PEX3: variants seen among roughly 807,000 people sequenced by gnomAD.
PEX3 encodes the protein peroxisomal biogenesis factor 3.
Under a neutral mutation model 55.8 loss-of-function variants are expected in PEX3, and 30 were observed. The ratio of observed to expected loss-of-function variants is 0.54; its 90% CI spans 0.40 to 0.73. The LOEUF (loss-of-function observed/expected upper bound fraction) is 0.73, where lower values mean the gene tolerates loss of function less well. Among genes scored for constraint, PEX3 ranks in the 30% least tolerant of loss-of-function variants. PEX3 has a pLI of 0.00. For synonymous variants in PEX3, 135 were observed against 148.4 expected, an observed-to-expected ratio of 0.91 and a Z score of 0.66; for missense variants, 351 against 432.8, an observed-to-expected ratio of 0.81 and a Z score of 1.68.
At chr6:143,469,967 G>A (rs897695099) in intron 4 of PEX3, among the ~76,000 whole-genome samples, 7 of 151,912 alleles carry the variant, frequency 4.6e-5, no homozygotes, top group Non-Finnish European at 1.0e-4. Context: ...GGGGGGTGAG[G>A]GGAGATGGAG....
At position 143,457,623 on chromosome 6, in the gene PEX3, G is replaced by T. The variant is rs374836817; in HGVS notation, c.74-1462G>T. ...ATGCACAATTCTTAGGTTATGTTTAGTAGATACTGGGGGTCACAGACAGTG... is the reference window on the plus strand; with the variant it reads ...ATGCACAATTCTTAGGTTATGTTTATTAGATACTGGGGGTCACAGACAGTG... On this transcript the variant is annotated intron_variant, in intron 1 of 11. Transcript: ENST00000367591. Among the ~76,000 whole-genome samples, 12 of 152,310 alleles carry T rather than the reference G, an allele frequency of 7.9e-5. No homozygotes were observed. The South Asian group carries it at 2.3e-3, about 29-fold the overall frequency.
chr6:143,480,041 A>G (rs1048518781), intron 10 of PEX3, among the ~76,000 whole-genome samples: 1 of 152,120 alleles, frequency 6.6e-6, no homozygotes, highest in African/African-American at 2.4e-5. Flanking sequence ...TCTTAAATAC[A>G]TAGGGCCAGA....
At chr6:143,478,564 T>G (rs928953424) in intron 9 of PEX3, among the ~76,000 whole-genome samples, 1 of 152,102 alleles carries the variant, frequency 6.6e-6, no homozygotes, top group African/African-American at 2.4e-5. Flanking sequence ...TATATTATTC[T>G]TTATATTAAA....
chr6:143,477,291 C>G (rs984784418), intron 9 of PEX3, among the ~76,000 whole-genome samples: 1 of 152,056 alleles, frequency 6.6e-6, no homozygotes, highest in Non-Finnish European at 1.5e-5. Flanking sequence ...TTATATACAC[C>G]TTTCTACTAA....
rs529862451 is a variant in PEX3, at chr6:143,479,123, G to A, written c.866G>A (p.Ser289Asn). Residue 289 changes from serine (S) to asparagine (N), a missense_variant, in exon 10 of 12, where the codon AGT becomes AAT. Transcript: ENST00000367591. This position sits in a 1 kb window ranked among gnomAD's most constrained non-coding sequence, Gnocchi z 4.6. ...VLNTCLNRGF[S>N]RLLDNMAEFF... ...AATACCTGTTTAAACCGAGGTTTTA[G>A]TAGACTTCTAGACAATATGGCTGAG... The A allele has an allele frequency of 1.9e-6, 3 of 1,595,302 alleles. No individual in the cohort carries two copies. Among genetic ancestry groups the A allele is most frequent in the Admixed American group, 1.7e-5 (1 of 59,966 alleles).
intron 2 of PEX3, among the ~76,000 whole-genome samples, chr6:143,461,340 A>C (rs780743927): frequency 1.3e-5 from 2 of 152,158 alleles, no homozygotes; most frequent in African/African-American, 4.8e-5. Context: ...CTCCTCCAGC[A>C]AAAGATAGGG....
Position 143,451,746 on chromosome 6 carries a change from GATCATTGTA to G in PEX3, c.73+635_73+643del, listed in dbSNP as rs1325989800. ...TCTTCCTCAGGATCTTCAAGGTTGG[GATCATTGTA>G]ATCTAGCTGACATAACTGAGTTGCA... On this transcript the variant is annotated intron_variant, in intron 1 of 11. Coordinates refer to ENST00000367591, the MANE Select transcript of PEX3 (RefSeq NM_003630.3). The surrounding 1 kb of genome is among the most constrained non-coding windows in gnomAD (Gnocchi z 4.1). 1.3e-5 allele frequency among the ~76,000 whole-genome samples: 2 copies of G among 152,182 alleles called. No individual in the cohort carries two copies. Among genetic ancestry groups the G allele is most frequent in the Non-Finnish European group, 2.9e-5 (2 of 68,036 alleles).
chr6:143,474,454 G>A lies in PEX3; in HGVS notation c.748-332G>A, dbSNP rs1447678216. Among the ~76,000 whole-genome samples, 188 of 140,494 alleles carry A rather than the reference G, an allele frequency of 1.3e-3. 1 individual carries two copies. The highest frequency in any genetic ancestry group is 4.5e-3 in the African/African-American group (168 of 37,600). 92.2% of individuals were successfully genotyped at this position (140,494 alleles called of 152,430 possible). Reference sequence around the variant, plus strand: ...AGCCTGGGCGACAGAGCGAGACTCCGTCTCAAAAAAAAAAAAAAAAACCCA... The same window carrying A: ...AGCCTGGGCGACAGAGCGAGACTCCATCTCAAAAAAAAAAAAAAAAACCCA... On this transcript the variant is annotated intron_variant, in intron 8 of 11. Coordinates refer to ENST00000367591, the MANE Select transcript of PEX3 (RefSeq NM_003630.3).
rs193090510 is a variant in PEX3, at chr6:143,466,794, T to C, written c.288-1328T>C. On this transcript the variant is annotated intron_variant, in intron 3 of 11. Coordinates refer to ENST00000367591, the MANE Select transcript of PEX3 (RefSeq NM_003630.3). This position sits in a 1 kb window ranked among gnomAD's most constrained non-coding sequence, Gnocchi z 5.4. ...ATAAATGTATATATACATATTCACT[T>C]ATATAAAGCAAAACAATGGAAAGTT... Among the ~76,000 whole-genome samples, 74 of 152,120 alleles carry C rather than the reference T, an allele frequency of 4.9e-4. 1 individual carries two copies. In the South Asian group the frequency reaches 8.7e-3, roughly 18 times the overall value.
chr6:143,485,020 G>C lies in PEX3; in HGVS notation c.942-132G>C, dbSNP rs191715839. On this transcript the variant is annotated intron_variant, in intron 10 of 11. Coordinates refer to ENST00000367591, the MANE Select transcript of PEX3 (RefSeq NM_003630.3). The surrounding 1 kb of genome is among the most constrained non-coding windows in gnomAD (Gnocchi z 5.6). The stretch of plus-strand genomic sequence containing the variant: ...GTTGTTATTTCTAAGCGATAGAATT[G>C]TGGGGTTTTTTTTCCTTTTTAATAG... 1.4e-3 allele frequency: 972 copies of C among 684,916 alleles called. 14 individuals carry two copies. In the Admixed American group the frequency reaches 0.019, roughly 14 times the overall value. 42.4% of individuals were successfully genotyped at this position (684,916 alleles called of 1,614,324 possible).
In PEX3 at chr6:143,453,294, T is replaced by C. The variant is rs1779799810; in HGVS notation, c.73+2179T>C. Reference sequence around the variant, plus strand: ...GAAGAAGAGACACATTTTGACAGGCTTGAAAGCTGGGTAGTATATCAACAG... The same window carrying C: ...GAAGAAGAGACACATTTTGACAGGCCTGAAAGCTGGGTAGTATATCAACAG... On this transcript the variant is annotated intron_variant, in intron 1 of 11. Transcript: ENST00000367591. The surrounding 1 kb of genome is among the most constrained non-coding windows in gnomAD (Gnocchi z 4.6). 6.6e-6 allele frequency among the ~76,000 whole-genome samples: 1 copy of C among 152,178 alleles called. No individual in the cohort carries two copies. The highest frequency in any genetic ancestry group is 2.4e-5 in the African/African-American group (1 of 41,448).
At position 143,485,127 on chromosome 6, in the gene PEX3, A is replaced by G. The variant is rs1230997442; in HGVS notation, c.942-25A>G. 8.1e-7 allele frequency: 1 copy of G among 1,239,764 alleles called. No individual in the cohort carries two copies. The highest frequency in any genetic ancestry group is 1.2e-5 in the South Asian group (1 of 83,578). The allele number at this position is 1,239,764 out of a possible 1,614,324, so 76.8% of individuals were successfully genotyped here. A position where few individuals can be genotyped will look rare whatever the true frequency, so the allele number is the denominator to read the frequency against. ...GTCCTGTGGGGTCATTTCAGAAAAT[A>G]ATCATTACTGTAATGATTTTTCAGT... On this transcript the variant is annotated intron_variant, in intron 10 of 11. Transcript: ENST00000367591. The surrounding 1 kb of genome is among the most constrained non-coding windows in gnomAD (Gnocchi z 5.6).
At chr6:143,477,108 TC>T (rs1482511775) in intron 9 of PEX3, among the ~76,000 whole-genome samples, 6 of 152,166 alleles carry the variant, frequency 3.9e-5, no homozygotes, top group African/African-American at 1.4e-4. Flanking sequence ...TGTTGATTGA[TC>T]TTGTTGAGAA....
chr6:143,485,038 T>C lies in PEX3; in HGVS notation c.942-114T>C, dbSNP rs1780296390. ...TAGAATTGTGGGGTTTTTTTTCCTT[T>C]TTAATAGATTTCCAAAAATATTCTA... On this transcript the variant is annotated intron_variant, in intron 10 of 11. Coordinates refer to ENST00000367591, the MANE Select transcript of PEX3 (RefSeq NM_003630.3). The surrounding 1 kb of genome is among the most constrained non-coding windows in gnomAD (Gnocchi z 5.6). The C allele has an allele frequency of 2.7e-6, 2 of 734,140 alleles. No individual in the cohort carries two copies. The highest frequency in any genetic ancestry group is 2.4e-6 in the Non-Finnish European group (1 of 408,726). The allele number at this position is 734,140 out of a possible 1,614,324, so 45.5% of individuals were successfully genotyped here. A position where few individuals can be genotyped will look rare whatever the true frequency, so the allele number is the denominator to read the frequency against.
rs931014402 is a variant in PEX3, at chr6:143,482,617, A to T, written c.942-2535A>T. 6.6e-6 allele frequency among the ~76,000 whole-genome samples: 1 copy of T among 151,932 alleles called. No individual in the cohort carries two copies. The highest frequency in any genetic ancestry group is 2.4e-5 in the African/African-American group (1 of 41,404). ...GCAATGGATATGCTTTTCCTATATAATATATAATATAAGGTATAATTATTG... is the reference window on the plus strand; with the variant it reads ...GCAATGGATATGCTTTTCCTATATATTATATAATATAAGGTATAATTATTG... On this transcript the variant is annotated intron_variant, in intron 10 of 11. Coordinates refer to ENST00000367591, the MANE Select transcript of PEX3 (RefSeq NM_003630.3). The surrounding 1 kb of genome is among the most constrained non-coding windows in gnomAD (Gnocchi z 5.5).
chr6:143,485,076 A>G lies in PEX3; in HGVS notation c.942-76A>G. The G allele has an allele frequency of 1.2e-6, 1 of 831,646 alleles. No homozygotes were observed. Among genetic ancestry groups the G allele is most frequent in the South Asian group, 1.3e-5 (1 of 75,198 alleles). The allele number at this position is 831,646 out of a possible 1,614,324, so 51.5% of individuals were successfully genotyped here. A position where few individuals can be genotyped will look rare whatever the true frequency, so the allele number is the denominator to read the frequency against. ...CAAAAATATTCTACAATGGCTATGT[A>G]TTACTTTTATAATTAAGATGTTAAA... On this transcript the variant is annotated intron_variant, in intron 10 of 11. Coordinates refer to ENST00000367591, the MANE Select transcript of PEX3 (RefSeq NM_003630.3). This position sits in a 1 kb window ranked among gnomAD's most constrained non-coding sequence, Gnocchi z 5.6.
rs1779878245 is a variant in PEX3 at position 143,458,651 on chromosome 6, C to G, written c.74-434C>G. On this transcript the variant is annotated intron_variant, in intron 1 of 11. Coordinates refer to ENST00000367591, the MANE Select transcript of PEX3 (RefSeq NM_003630.3). The surrounding 1 kb of genome is among the most constrained non-coding windows in gnomAD (Gnocchi z 6.1). ...GTTTCCATTAAAAAAAGTAACATTTCTGGGATCTTATTTTATCACCTAACA... is the reference window on the plus strand; with the variant it reads ...GTTTCCATTAAAAAAAGTAACATTTGTGGGATCTTATTTTATCACCTAACA... Among the ~76,000 whole-genome samples, 3 of 152,220 alleles carry G rather than the reference C, an allele frequency of 2.0e-5. 1 individual carries two copies. The South Asian group carries it at 6.2e-4, about 32-fold the overall frequency.
At chr6:143,470,895 G>T in intron 4 of PEX3, 66 bp from the exon 5 acceptor site, 1 of 1,401,338 alleles carries the variant, frequency 7.1e-7, no homozygotes, top group East Asian at 2.3e-5. Flanking sequence ...ATAACCTTAG[G>T]ATGGTTCATG....
In PEX3 at chr6:143,489,218, G is replaced by A. The variant is rs771501604; in HGVS notation, c.1114G>A (p.Glu372Lys). Residue 372 changes from glutamate to lysine, a missense_variant, in exon 12 of 12, where the codon GAG (glutamate) becomes AAG (lysine). By Grantham distance (56) the Glu-to-Lys change is moderately conservative. Transcript: ENST00000367591. This position sits in a 1 kb window ranked among gnomAD's most constrained non-coding sequence, Gnocchi z 5.5. ...YEAFSTPQQL[E>K]K ...AGCTTTTAGTACCCCTCAGCAACTG[G>A]AGAAATGATTTTTCCTTCAAGAAAA... 6.3e-7 allele frequency: 1 copy of A among 1,589,508 alleles called. No homozygotes were observed. The highest frequency in any genetic ancestry group is 1.1e-5 in the South Asian group (1 of 90,594).
Sources: gnomAD v4.1 joint callset for allele counts (sites outside exome capture counted in the v4.1 genomes callset) on GRCh38, gnomAD v4.1.1 for gene constraint, Gnocchi (gnomAD v3.1) non-coding constraint, MANE v1.5 for transcripts, NCBI Gene and HGNC (gene_info 2026-07-23, HGNC 2026-07-21) for gene names.